The following HTR2A variants were observed in gnomAD, a reference collection of about 807,000 sequenced individuals.
HTR2A encodes 5-hydroxytryptamine receptor 2A, also known as 5-HT2 receptor.
A neutral mutation model predicts 31.0 loss-of-function variants in HTR2A; 14 were observed. The observed-to-expected ratio is 0.45, with a 90% CI of 0.30 to 0.71. The LOEUF (loss-of-function observed/expected upper bound fraction) is 0.71, where lower values mean the gene tolerates loss of function less well. Among genes scored for constraint, HTR2A ranks in the 30% least tolerant of loss-of-function variants. The pLI is 0.09. For missense variants in HTR2A, 442 were observed against 573.3 expected (o/e 0.77, Z 2.34); for synonymous variants, 209 against 225.2 (o/e 0.93, Z 0.64).
At chr13:46,859,351 C>A (rs1950763545) in intron 3 of HTR2A, among the ~76,000 whole-genome samples, 1 of 152,178 alleles carries the variant, frequency 6.6e-6, no homozygotes, top group Non-Finnish European at 1.5e-5. Flanking sequence ...GCTCTACGTC[C>A]TGTCATCCAT....
intron 3 of HTR2A, among the ~76,000 whole-genome samples, chr13:46,840,724 CTGAGGTTT>C (rs1298894200): frequency 2.0e-5 from 3 of 152,156 alleles, no homozygotes; most frequent in Non-Finnish European, 4.4e-5. Context: ...ATGACTACCT[CTGAGGTTT>C]TTAACATTGG....
chr13:46,836,436 GT>G (rs949113887), intron 3 of HTR2A, among the ~76,000 whole-genome samples: 1 of 152,022 alleles, frequency 6.6e-6, no homozygotes, highest in African/African-American at 2.4e-5. Context: ...GCAGTACTTT[GT>G]ACCTTATATG....
intron 3 of HTR2A, among the ~76,000 whole-genome samples, chr13:46,861,962 A>C (rs994861691): frequency 6.6e-6 from 1 of 152,150 alleles, no homozygotes; most frequent in Non-Finnish European, 1.5e-5. Flanking sequence ...CATGGAGATA[A>C]CCTCCTTGTT....
At position 46,832,016 on chromosome 13, in the gene HTR2A, T is replaced by C. The variant is rs973254575; in HGVS notation, c.*2821A>G. 3 of 152,212 alleles carry C rather than the reference T, an allele frequency of 2.0e-5. No homozygotes were observed. The highest frequency in any genetic ancestry group is 2.1e-4 in the South Asian group (1 of 4,828). The allele number at this position is 152,212 out of a possible 1,614,324, so 9.4% of individuals were successfully genotyped here. A position where few individuals can be genotyped will look rare whatever the true frequency, so the allele number is the denominator to read the frequency against. ...AGGTGTGAGTCTGTTTAAAAAGCCA[T>C]AGTAGTCAGAAAATTGCCAGACTAA... On this transcript the variant is annotated 3_prime_UTR_variant, in exon 4 of 4. Coordinates refer to ENST00000542664, the MANE Select transcript of HTR2A (RefSeq NM_000621.5).
At chr13:46,876,307 T>C (rs1424421040) in intron 3 of HTR2A, among the ~76,000 whole-genome samples, 1 of 151,376 alleles carries the variant, frequency 6.6e-6, no homozygotes, top group Non-Finnish European at 1.5e-5. Context: ...TTTTTTATAA[T>C]GGCAGATTCT....
intron 3 of HTR2A, among the ~76,000 whole-genome samples, chr13:46,867,055 A>C (rs779616402): frequency 5.3e-5 from 8 of 152,118 alleles, no homozygotes; most frequent in Admixed American, 1.3e-4. Context: ...GAGATAGATA[A>C]AGCTTGGTAA....
chr13:46,870,131 T>C (rs756974257), intron 3 of HTR2A, among the ~76,000 whole-genome samples: 6 of 152,076 alleles, frequency 3.9e-5, no homozygotes, highest in Admixed American at 2.6e-4. Flanking sequence ...GTCAAATATA[T>C]ATAATGGATT....
At chr13:46,869,152 C>A (rs746002784) in intron 3 of HTR2A, among the ~76,000 whole-genome samples, 1 of 152,080 alleles carries the variant, frequency 6.6e-6, no homozygotes, top group Non-Finnish European at 1.5e-5. Context: ...AAAAGACAAC[C>A]TACAGAATGA....
intron 3 of HTR2A, among the ~76,000 whole-genome samples, chr13:46,880,729 C>T (rs1950954156): frequency 6.6e-6 from 1 of 152,048 alleles, no homozygotes; most frequent in Non-Finnish European, 1.5e-5. Context: ...ATCCCAGCTA[C>T]TCAGGAGGCT....
At chr13:46,885,443 C>A (rs1268770458) in intron 3 of HTR2A, among the ~76,000 whole-genome samples, 3 of 152,266 alleles carry the variant, frequency 2.0e-5, no homozygotes, top group Non-Finnish European at 4.4e-5. Context: ...GAAAGGGAAA[C>A]TGGATAATGG....
chr13:46,882,706 T>C (rs1950975962), intron 3 of HTR2A, among the ~76,000 whole-genome samples: 1 of 152,220 alleles, frequency 6.6e-6, no homozygotes, highest in South Asian at 2.1e-4. Context: ...TCCCCTAATT[T>C]ACCAATTAGG....
chr13:46,845,577 G>A (rs538945204), intron 3 of HTR2A, among the ~76,000 whole-genome samples: 71 of 150,768 alleles, frequency 4.7e-4, no homozygotes, highest in African/African-American at 1.6e-3. Context: ...AGGGGAAGGT[G>A]GTTGAGTCTA....
At chr13:46,871,487 C>T (rs1950862858) in intron 3 of HTR2A, among the ~76,000 whole-genome samples, 1 of 152,148 alleles carries the variant, frequency 6.6e-6, no homozygotes, top group Non-Finnish European at 1.5e-5. Flanking sequence ...CAGTTTTCTA[C>T]CCTATACTCA....
rs758390994 is a variant in HTR2A, at chr13:46,835,509, G to T, written c.744C>A (p.Thr248=). 6.2e-7 allele frequency: 1 copy of T among 1,614,026 alleles called. No individual in the cohort carries two copies. Among genetic ancestry groups the T allele is most frequent in the East Asian group, 2.2e-5 (1 of 44,874 alleles). The change falls in exon 4 of 4, where the codon ACC becomes ACA. Residue 248 remains threonine, a synonymous_variant. Transcript: ENST00000542664. The stretch of plus-strand genomic sequence containing the variant: ...TTAGAAAGTAGGTGATCACCATGAT[G>T]GTTAAGGGAATGAAAAATGACACAA... ...GSFVSFFIPL[T]IMVITYFLTI... is the part of the protein sequence containing the mutation.
At chr13:46,861,413 C>T (rs1950777662) in intron 3 of HTR2A, among the ~76,000 whole-genome samples, 1 of 152,132 alleles carries the variant, frequency 6.6e-6, no homozygotes, top group Non-Finnish European at 1.5e-5. Flanking sequence ...CAGACATGAC[C>T]CAGCTACAAG....
chr13:46,858,588 C>G (rs1294062835), intron 3 of HTR2A, among the ~76,000 whole-genome samples: 1 of 152,102 alleles, frequency 6.6e-6, no homozygotes, highest in African/African-American at 2.4e-5. Context: ...TAGACTGGCA[C>G]TGGCATGAGT....
intron 3 of HTR2A, among the ~76,000 whole-genome samples, chr13:46,852,654 A>C (rs1051484508): frequency 1.3e-4 from 20 of 152,238 alleles, no homozygotes; most frequent in African/African-American, 4.8e-4. Flanking sequence ...GTTAAAATGC[A>C]GTTCACGGCT....
Position 46,876,385 on chromosome 13 carries a change from C to CAT in HTR2A, c.613+16003_613+16004dup, listed in dbSNP as rs1213510951. Among the ~76,000 whole-genome samples the CAT allele has an allele frequency of 7.3e-4, 69 of 94,290 alleles. 1 individual carries two copies. Among genetic ancestry groups the CAT allele is most frequent in the Non-Finnish European group, 8.9e-4 (44 of 49,474 alleles). The allele number at this position is 94,290 out of a possible 152,430, so 61.9% of individuals were successfully genotyped here. On this transcript the variant is annotated intron_variant, in intron 3 of 3. Transcript: ENST00000542664. ...TTTGCTGTGTGCTTGTATTTTGATT[C>CAT]ATATATATATATATATATATTTTTT...
rs1175892869 is a variant in HTR2A at position 46,895,806 on chromosome 13, G to T, written c.101C>A (p.Ser34Tyr). Residue 34 changes from serine (S) to tyrosine (Y), a missense_variant, in exon 2 of 4, where the codon TCC becomes TAC. By Grantham distance (144) the Ser-to-Tyr change is moderately radical. Transcript: ENST00000542664. This position sits in a 1 kb window ranked among gnomAD's most constrained non-coding sequence, Gnocchi z 4.4. ...DTRLYSNDFNSGEANTSDAFN... is the reference protein window; with the variant it reads ...DTRLYSNDFNYGEANTSDAFN... ...TGCATCAGAAGTGTTAGCTTCTCCG[G>T]AGTTAAAGTCATTACTGTAGAGCCT... 1 of 1,614,120 alleles carries T rather than the reference G, an allele frequency of 6.2e-7. No individual in the cohort carries two copies. Among genetic ancestry groups the T allele is most frequent in the South Asian group, 1.1e-5 (1 of 91,084 alleles).
Sources: allele counts gnomAD v4.1 joint callset (sites outside exome capture counted in the v4.1 genomes callset), GRCh38; gene constraint gnomAD v4.1.1; non-coding constraint Gnocchi (gnomAD v3.1); transcripts MANE v1.5; gene names NCBI Gene and HGNC (gene_info 2026-07-23, HGNC 2026-07-21).